LSM14A: variants seen among roughly 807,000 people sequenced by gnomAD.
LSM14A encodes the protein protein LSM14 homolog A.
LSM14A carries 14 observed loss-of-function variants against 52.4 expected under a neutral mutation model. That is an observed-to-expected ratio of 0.27 (90% CI 0.18 to 0.42). The LOEUF is 0.42. LSM14A is among the 10% of genes least tolerant of loss of function. LSM14A has a pLI of 1.00. For synonymous variants in LSM14A, 185 were observed against 200.3 expected (o/e 0.92, Z 0.64); for missense variants, 417 against 581.8 (o/e 0.72, Z 2.91).
At chr19:34,211,086 T>G (rs559508444) in intron 4 of LSM14A, among the ~76,000 whole-genome samples, 4 of 151,958 alleles carry the variant, frequency 2.6e-5, no homozygotes, top group African/African-American at 9.6e-5. Context: ...GCGGATCGCC[T>G]GAGGTCAGGG....
Position 34,228,531 on chromosome 19 carries a change from G to T in LSM14A, c.*1143G>T, listed in dbSNP as rs1402526179. On this transcript the variant is annotated 3_prime_UTR_variant, in exon 10 of 10. Transcript: ENST00000544216. The stretch of plus-strand genomic sequence containing the variant: ...ATTCAGAGTGCTAGAAATTATTTTG[G>T]TAGCCTGTAACACACGGCAACACTG... 1 of 152,150 alleles carries T rather than the reference G, an allele frequency of 6.6e-6. No homozygotes were observed. Among genetic ancestry groups the T allele is most frequent in the African/African-American group, 2.4e-5 (1 of 41,230 alleles). The allele number at this position is 152,150 out of a possible 1,614,324, so 9.4% of individuals were successfully genotyped here. A position where few individuals can be genotyped will look rare whatever the true frequency, so the allele number is the denominator to read the frequency against.
At chr19:34,216,179 C>T (rs9676280) in intron 6 of LSM14A, among the ~76,000 whole-genome samples, 34 of 152,016 alleles carry the variant, frequency 2.2e-4, no homozygotes, top group African/African-American at 6.8e-4. Flanking sequence ...TTTGGGAGGC[C>T]GGGGCGGGCG....
At position 34,192,324 on chromosome 19, in the gene LSM14A, T is replaced by G. The variant is rs963815258; in HGVS notation, c.122-2154T>G. ...GAAATAACATTCTTTTTGTTGTTTT[T>G]TTTTTTTTTTTTTTTTTTGGAGTCA... On this transcript the variant is annotated intron_variant, in intron 1 of 9. Transcript: ENST00000544216. 7.1e-4 allele frequency among the ~76,000 whole-genome samples: 72 copies of G among 100,706 alleles called. 1 individual carries two copies. The highest frequency in any genetic ancestry group is 2.5e-3 in the African/African-American group (60 of 23,702). The allele number at this position is 100,706 out of a possible 152,430, so 66.1% of individuals were successfully genotyped here. A position where few individuals can be genotyped will look rare whatever the true frequency, so the allele number is the denominator to read the frequency against.
chr19:34,175,027 A>C (rs777917991), intron 1 of LSM14A, among the ~76,000 whole-genome samples: 1 of 152,232 alleles, frequency 6.6e-6, no homozygotes, highest in South Asian at 2.1e-4. Context: ...AAAACTTTTC[A>C]GCAGCTTTTA....
At chr19:34,197,438 T>C (rs1457522755) in intron 3 of LSM14A, among the ~76,000 whole-genome samples, 20 of 136,096 alleles carry the variant, frequency 1.5e-4, no homozygotes, top group Non-Finnish European at 2.1e-4. Flanking sequence ...TTTCTTTTTT[T>C]TTTTTTTTTT....
chr19:34,221,992 C>A, intron 9 of LSM14A: 1 of 318,134 alleles, frequency 3.1e-6, no homozygotes, highest in Non-Finnish European at 4.6e-6. Context: ...ATCTAGGAAG[C>A]ACATACTCCC....
At chr19:34,226,438 T>C (rs1396149451) in intron 9 of LSM14A, 1 of 1,521,992 alleles carries the variant, frequency 6.6e-7, no homozygotes, top group Non-Finnish European at 8.8e-7. Flanking sequence ...CTAAAAGGTC[T>C]GGATTGATCG....
intron 9 of LSM14A, among the ~76,000 whole-genome samples, chr19:34,222,153 A>G (rs950724743): frequency 6.6e-6 from 1 of 152,204 alleles, no homozygotes; most frequent in Admixed American, 6.5e-5. Context: ...TATTATCCCC[A>G]TTTTACAAGT....
intron 1 of LSM14A, among the ~76,000 whole-genome samples, chr19:34,176,599 A>G (rs1466863658): frequency 2.0e-5 from 3 of 152,180 alleles, no homozygotes; most frequent in Non-Finnish European, 4.4e-5. Context: ...TGTGTTGTAT[A>G]TATTTTATTT....
chr19:34,184,305 G>A (rs991739306), intron 1 of LSM14A, among the ~76,000 whole-genome samples: 2 of 151,940 alleles, frequency 1.3e-5, no homozygotes, highest in Non-Finnish European at 2.9e-5. Context: ...CACCTGCCTC[G>A]GCCTTCCAAA....
At chr19:34,213,755 A>G (rs925861009) in intron 4 of LSM14A, among the ~76,000 whole-genome samples, 1 of 152,180 alleles carries the variant, frequency 6.6e-6, no homozygotes, top group Non-Finnish European at 1.5e-5. Context: ...ATGTATAAGT[A>G]CAAACCCCAT....
At chr19:34,219,245 A>G (rs1296476909) in intron 6 of LSM14A, 146 bp from the exon 7 acceptor site, 4 of 447,616 alleles carry the variant, frequency 8.9e-6, no homozygotes, top group African/African-American at 8.2e-5. Context: ...TTTTGTATAA[A>G]AAATACAAAT....
intron 1 of LSM14A, among the ~76,000 whole-genome samples, chr19:34,192,631 GCAA>G (rs2070513531): frequency 2.9e-5 from 1 of 33,982 alleles, no homozygotes; most frequent in African/African-American, 1.3e-4. Flanking sequence ...CATCAGTTCT[GCAA>G]AAAAAAAAAA....
chr19:34,192,310 CTTTTTGTTG>C (rs2070438857), intron 1 of LSM14A, among the ~76,000 whole-genome samples: 3 of 51,658 alleles, frequency 5.8e-5, no homozygotes, highest in African/African-American at 1.4e-4. Flanking sequence ...AAATAACATT[CTTTTTGTTG>C]TTTTTTTTTT....
At chr19:34,211,485 TG>T in intron 4 of LSM14A, among the ~76,000 whole-genome samples, 1 of 152,018 alleles carries the variant, frequency 6.6e-6, no homozygotes, top group South Asian at 2.1e-4. Flanking sequence ...AAAAGTTGCA[TG>T]TAATGGAAAA....
rs142228764 is a variant in LSM14A at position 34,211,420 on chromosome 19, G to A, written c.538+2369G>A. ...AAAATATATAATAAGAAATAAGTTG[G>A]TCATACTAAGAAATATGACCAACTT... On this transcript the variant is annotated intron_variant, in intron 4 of 9. Coordinates refer to ENST00000544216, the MANE Select transcript of LSM14A (RefSeq NM_015578.4). 2.7e-3 allele frequency among the ~76,000 whole-genome samples: 414 copies of A among 151,850 alleles called. 7 individuals carry two copies. Among genetic ancestry groups the A allele is most frequent in the African/African-American group, 9.4e-3 (390 of 41,420 alleles).
intron 9 of LSM14A, among the ~76,000 whole-genome samples, chr19:34,224,294 G>A (rs1256371482): frequency 1.3e-5 from 2 of 152,180 alleles, no homozygotes; most frequent in Non-Finnish European, 2.9e-5. Flanking sequence ...TCACGCCACT[G>A]TACTCCAGCC....
At chr19:34,192,322 T>TG (rs1472029507) in intron 1 of LSM14A, among the ~76,000 whole-genome samples, 1 of 74,950 alleles carries the variant, frequency 1.3e-5, no homozygotes, top group Non-Finnish European at 2.3e-5. Flanking sequence ...TTTTGTTGTT[T>TG]TTTTTTTTTT....
intron 1 of LSM14A, among the ~76,000 whole-genome samples, chr19:34,189,896 G>A (rs922584636): frequency 1.3e-5 from 2 of 152,190 alleles, no homozygotes; most frequent in African/African-American, 4.8e-5. Context: ...AAACAGTAAA[G>A]GTGACCAGAA....
Sources: gnomAD v4.1 joint callset for allele counts (sites outside exome capture counted in the v4.1 genomes callset) on GRCh38, gnomAD v4.1.1 for gene constraint, MANE v1.5 for transcripts, NCBI Gene and HGNC (gene_info 2026-07-23, HGNC 2026-07-21) for gene names.